The following KLK4 variants were observed in gnomAD, a reference collection of about 807,000 sequenced individuals.
KLK4 encodes kallikrein related peptidase 4, also known as kallikrein-4.
In KLK4, 24 loss-of-function variants were observed where a neutral mutation model predicts 24.3. That is an observed-to-expected ratio of 0.99 (90% CI 0.72 to 1.39). The LOEUF (loss-of-function observed/expected upper bound fraction) is 1.39, where lower values mean the gene tolerates loss of function less well. Among genes scored for constraint, KLK4 ranks in the 40% most tolerant of loss-of-function variants. The probability of loss-of-function intolerance (pLI) is 0.00; values close to 1 mark genes in which losing one functional copy is unlikely to be tolerated. For synonymous variants in KLK4, 142 were observed against 138.8 expected (o/e 1.02, Z -0.16); for missense variants, 344 against 327.4 (o/e 1.05, Z -0.39).
At position 50,909,418 on chromosome 19, in the gene KLK4, A is replaced by C; in HGVS notation, c.62-4T>G. ...CAGCTACCAGAGACGAGCGATCCTG[A>C]GGGCGGAGTCAGGGATGGGATCGGG... On this transcript the variant is annotated splice_polypyrimidine_tract_variant and splice_region_variant and intron_variant, in intron 2 of 5. Transcript: ENST00000324041. 6.2e-7 allele frequency: 1 copy of C among 1,613,848 alleles called. No homozygotes were observed. The highest frequency in any genetic ancestry group is 8.5e-7 in the Non-Finnish European group (1 of 1,179,862).
At chr19:50,908,401 C>G in exon 5 of KLK4, 1 of 1,614,142 alleles carries the variant, frequency 6.2e-7, no homozygotes, top group Non-Finnish European at 8.5e-7. Context: ...CGGCGCAGAA[C>G]ATGCTGGGGT....
chr19:50,908,074 T>C (rs2090449276), intron 5 of KLK4: 1 of 506,156 alleles, frequency 2.0e-6, no homozygotes, highest in Non-Finnish European at 3.6e-6. Context: ...GGATTTTCTG[T>C]TGGGTGGAGG....
intron 4 of KLK4, 31 bp downstream of exon 4, chr19:50,908,548 G>A: frequency 6.2e-7 from 1 of 1,614,194 alleles, no homozygotes; most frequent in African/African-American, 1.3e-5. Context: ...GGACCTCCTT[G>A]AAGAGGGCAG....
chr19:50,909,228 C>G, intron 3 of KLK4, 24 bp downstream of exon 3: 1 of 1,614,052 alleles, frequency 6.2e-7, no homozygotes, highest in Non-Finnish European at 8.5e-7. Context: ...AGGCCCTGCC[C>G]ACTCCCCCTA....
Position 50,908,345 on chromosome 19 carries a change from T to TTCCCCTCTC in KLK4, c.612+5_612+13dup, listed in dbSNP as rs1372180706. On this transcript the variant is annotated intron_variant, in intron 5 of 5. Transcript: ENST00000324041. ...TTCCCTGAGTCGCCTGCCCTCCCCT[T>TTCCCCTCTC]TCCCCTCTCTCACGTTGCAGGAGTC... 4 of 1,612,090 alleles carry TTCCCCTCTC rather than the reference T, an allele frequency of 2.5e-6. No individual in the cohort carries two copies. In the South Asian group the frequency reaches 3.3e-5, roughly 13 times the overall value.
chr19:50,907,169 CT>C, intron 5 of KLK4, 83 bp from the exon 6 acceptor site: 1 of 1,392,110 alleles, frequency 7.2e-7, no homozygotes, highest in Non-Finnish European at 1.0e-6. Flanking sequence ...CTAAATGAGA[CT>C]GAGAAACAAA....
chr19:50,908,625 G>T lies in KLK4; in HGVS notation c.429C>A (p.Thr143=), dbSNP rs767967124. 60 of 1,614,082 alleles carry T rather than the reference G, an allele frequency of 3.7e-5. No individual in the cohort carries two copies. In the South Asian group the frequency reaches 6.5e-4, roughly 17 times the overall value. ...CAGAAACGAGGCAAGAGTTCCCCGC[G>T]GTAGGGCACTGCGAAGCAATGCTGA... The change falls in exon 4 of 6, where the codon ACC becomes ACA. Residue 143 remains threonine, a synonymous_variant. Coordinates refer to ENST00000324041, the Ensembl canonical transcript of KLK4.
chr19:50,907,842 T>G (rs905235558), intron 5 of KLK4: 3 of 245,920 alleles, frequency 1.2e-5, no homozygotes, highest in Non-Finnish European at 2.4e-5. Flanking sequence ...TATACTTGGA[T>G]TTTTTCAATA....
chr19:50,909,873 C>T (rs975024199), intron 2 of KLK4, among the ~76,000 whole-genome samples: 1 of 151,442 alleles, frequency 6.6e-6, no homozygotes, highest in African/African-American at 2.4e-5. Context: ...ATCAGTGCTC[C>T]TAGGGTTGGG....
Position 50,909,166 on chromosome 19 carries a change from T to G in KLK4, c.224+86A>C, listed in dbSNP as rs2090463136. On this transcript the variant is annotated intron_variant, in intron 3 of 5. Transcript: ENST00000324041. ...TCCTCCCAGAGCCTTCACCGCTGTT[T>G]CCCCCTGAGCACCCCAAGATGAGCC... 6.2e-6 allele frequency: 10 copies of G among 1,607,394 alleles called. No individual in the cohort carries two copies. The Admixed American group carries it at 6.7e-5, about 11-fold the overall frequency.
At position 50,910,776 on chromosome 19, in the gene KLK4, G is replaced by A. The variant is rs747914338; in HGVS notation, c.-11-27C>T. ...TGGGGATGAGGACTGAGACTTAGCC[G>A]TGTCTGGGGATCTTCAGCCCAAGTC... On this transcript the variant is annotated intron_variant, in intron 1 of 5. Transcript: ENST00000324041. The surrounding 1 kb of genome is among the most constrained non-coding windows in gnomAD (Gnocchi z 4.4). 2.1e-5 allele frequency: 32 copies of A among 1,533,276 alleles called. No homozygotes were observed. The highest frequency in any genetic ancestry group is 3.4e-4 in the Middle Eastern group (2 of 5,932). The allele number at this position is 1,533,276 out of a possible 1,614,324, so 95.0% of individuals were successfully genotyped here.
At chr19:50,907,191 T>C in intron 5 of KLK4, 105 bp from the exon 6 acceptor site, 1 of 1,178,684 alleles carries the variant, frequency 8.5e-7, no homozygotes, top group East Asian at 2.4e-5. Flanking sequence ...GACAGAACCA[T>C]CATCAATAAC....
Position 50,910,626 on chromosome 19 carries a change from C to A in KLK4, c.61+52G>T. Reference sequence around the variant, plus strand: ...ACACTGAGTCACACCTGAACATTAACAAACACTGTGCCCCCAAGCACGGAC... The same window carrying A: ...ACACTGAGTCACACCTGAACATTAAAAAACACTGTGCCCCCAAGCACGGAC... On this transcript the variant is annotated intron_variant, in intron 2 of 5. Coordinates refer to ENST00000324041, the Ensembl canonical transcript of KLK4. This position sits in a 1 kb window ranked among gnomAD's most constrained non-coding sequence, Gnocchi z 4.4. 1 of 1,505,204 alleles carries A rather than the reference C, an allele frequency of 6.6e-7. No individual in the cohort carries two copies. The highest frequency in any genetic ancestry group is 9.1e-7 in the Non-Finnish European group (1 of 1,104,516). The allele number at this position is 1,505,204 out of a possible 1,614,324, so 93.2% of individuals were successfully genotyped here.
chr19:50,907,222 C>G (rs2090440663), intron 5 of KLK4, 136 bp from the exon 6 acceptor site: 1 of 888,432 alleles, frequency 1.1e-6, no homozygotes, highest in Non-Finnish European at 1.8e-6. Flanking sequence ...AGCAACATAT[C>G]TGTTGGAAGT....
chr19:50,908,310 T>C (rs1222163526), intron 5 of KLK4, 49 bp downstream of exon 5: 1 of 1,605,936 alleles, frequency 6.2e-7, no homozygotes, highest in Admixed American at 1.7e-5. Context: ...TGTCTCCCCC[T>C]TCTCCACCCT....
intron 2 of KLK4, among the ~76,000 whole-genome samples, chr19:50,909,900 G>A (rs539592282): frequency 1.2e-4 from 18 of 152,090 alleles, no homozygotes; most frequent in Admixed American, 2.0e-4. Flanking sequence ...GCGCAGGGGC[G>A]CCATCAAGGC....
rs2090482906 is a variant in KLK4 at position 50,910,887 on chromosome 19, C to T, written c.-11-138G>A. 2.8e-6 allele frequency: 2 copies of T among 726,050 alleles called. No individual in the cohort carries two copies. The highest frequency in any genetic ancestry group is 4.9e-6 in the Non-Finnish European group (2 of 406,640). The allele number at this position is 726,050 out of a possible 1,614,324, so 45.0% of individuals were successfully genotyped here. A position where few individuals can be genotyped will look rare whatever the true frequency, so the allele number is the denominator to read the frequency against. ...AGCCTAGACCATCTACCCCCTCTCC[C>T]ATCCATGGACCCAGAACCTAGAGAG... On this transcript the variant is annotated intron_variant, in intron 1 of 5. Coordinates refer to ENST00000324041, the Ensembl canonical transcript of KLK4. The surrounding 1 kb of genome is among the most constrained non-coding windows in gnomAD (Gnocchi z 4.4).
At position 50,908,580 on chromosome 19, in the gene KLK4, G is replaced by C; in HGVS notation, c.474C>G (p.Asn158Lys). Residue 158 changes from asparagine to lysine, a missense_variant and splice_region_variant, in exon 4 of 6, where the codon AAC becomes AAG. Transcript: ENST00000324041. ...GCAGACACACACCCGTGAGCTCACCGTTCGCCAGCAGACCCCAGCCAGAAA... is the reference window on the plus strand; with the variant it reads ...GCAGACACACACCCGTGAGCTCACCCTTCGCCAGCAGACCCCAGCCAGAAA... 8 of 1,614,190 alleles carry C rather than the reference G, an allele frequency of 5.0e-6. No homozygotes were observed. Among genetic ancestry groups the C allele is most frequent in the Non-Finnish European group, 6.8e-6 (8 of 1,180,026 alleles).
At chr19:50,907,237 T>C in intron 5 of KLK4, 151 bp from the exon 6 acceptor site, 1 of 826,474 alleles carries the variant, frequency 1.2e-6, no homozygotes, top group Non-Finnish European at 2.0e-6. Context: ...GGAAGTCCCA[T>C]TCCAGATCCC....
Sources: gnomAD v4.1 joint callset for allele counts (sites outside exome capture counted in the v4.1 genomes callset) on GRCh38, gnomAD v4.1.1 for gene constraint, Gnocchi (gnomAD v3.1) non-coding constraint, MANE v1.5 for transcripts, NCBI Gene and HGNC (gene_info 2026-07-23, HGNC 2026-07-21) for gene names.